SYPL1: variants seen among roughly 807,000 people sequenced by gnomAD.
SYPL1 encodes synaptophysin-like protein 1.
Under a neutral mutation model 23.7 loss-of-function variants are expected in SYPL1, and 6 were observed. The ratio of observed to expected loss-of-function variants is 0.25; its 90% CI spans 0.14 to 0.50. The LOEUF is 0.50. Ranked by LOEUF, SYPL1 falls within the 20% of genes least tolerant of loss-of-function variation. SYPL1 has a pLI of 0.98. For missense variants in SYPL1, 253 were observed against 288.9 expected (o/e 0.88, Z 0.90); for synonymous variants, 102 against 104.5 (o/e 0.98, Z 0.15).
rs942116375 is a variant in SYPL1 at position 106,095,524 on chromosome 7, T to C, written c.402+2166A>G. Among the ~76,000 whole-genome samples the C allele has an allele frequency of 1.3e-5, 2 of 152,052 alleles. No individual in the cohort carries two copies. The highest frequency in any genetic ancestry group is 4.8e-5 in the African/African-American group (2 of 41,388). ...CCACCATGTCCAGCTAATTTTTGTA[T>C]TTTTAGCAGAGATGGGGTTTCACCA... On this transcript the variant is annotated intron_variant, in intron 3 of 4. Coordinates refer to ENST00000455385, the MANE Select transcript of SYPL1 (RefSeq NM_182715.4). The surrounding 1 kb of genome is among the most constrained non-coding windows in gnomAD (Gnocchi z 4.3).
In SYPL1 at chr7:106,110,129, C is replaced by T. The variant is rs186047714; in HGVS notation, c.69+2011G>A. 7.3e-4 allele frequency among the ~76,000 whole-genome samples: 111 copies of T among 152,230 alleles called. 2 individuals carry two copies. Among genetic ancestry groups the T allele is most frequent in the African/African-American group, 2.6e-3 (106 of 41,528 alleles). ...CATATGCATTTTCCTAAGGAAAGGG[C>T]CCAGATTCCCAAAGATTAACCCCAG... On this transcript the variant is annotated intron_variant, in intron 1 of 4. Transcript: ENST00000455385.
At chr7:106,108,885 T>C (rs1050257947) in intron 1 of SYPL1, among the ~76,000 whole-genome samples, 1 of 152,196 alleles carries the variant, frequency 6.6e-6, no homozygotes, top group African/African-American at 2.4e-5. Context: ...TTCCTAACGA[T>C]ACTAAGACAT....
At chr7:106,098,776 A>C (rs1330465618) in intron 2 of SYPL1, among the ~76,000 whole-genome samples, 1 of 152,266 alleles carries the variant, frequency 6.6e-6, no homozygotes, top group African/African-American at 2.4e-5. Context: ...ATTACAAAAA[A>C]CACTGAGAAT....
upstream of SYPL1, chr7:106,112,384 C>G: frequency 3.3e-6 from 4 of 1,212,328 alleles, no homozygotes; most frequent in Non-Finnish European, 4.1e-6. Flanking sequence ...GGTTGAGCTG[C>G]TGGCTGAGAC....
intron 1 of SYPL1, among the ~76,000 whole-genome samples, chr7:106,110,671 G>A (rs1294679774): frequency 6.6e-6 from 1 of 152,108 alleles, no homozygotes; most frequent in African/African-American, 2.4e-5. Context: ...GCTTAAAAAG[G>A]GATATTTTTC....
intron 1 of SYPL1, among the ~76,000 whole-genome samples, chr7:106,108,871 C>T (rs1226793021): frequency 2.6e-5 from 4 of 152,142 alleles, no homozygotes; most frequent in African/African-American, 4.8e-5. Context: ...GAAGGTAAAA[C>T]ATTTTCCTAA....
intron 3 of SYPL1, among the ~76,000 whole-genome samples, chr7:106,094,093 C>T (rs1839897061): frequency 6.6e-6 from 1 of 152,184 alleles, no homozygotes; most frequent in Non-Finnish European, 1.5e-5. Flanking sequence ...TATGCGTACA[C>T]TCAAGGATAG....
intron 1 of SYPL1, among the ~76,000 whole-genome samples, chr7:106,102,651 A>C (rs1359164124): frequency 6.6e-6 from 1 of 152,116 alleles, no homozygotes; most frequent in Non-Finnish European, 1.5e-5. Flanking sequence ...CTTATGGGAG[A>C]CCCTATGCCC....
At chr7:106,101,795 A>G (rs1158997619) in intron 1 of SYPL1, among the ~76,000 whole-genome samples, 1 of 151,838 alleles carries the variant, frequency 6.6e-6, no homozygotes, top group African/African-American at 2.4e-5. Flanking sequence ...AAAAAAAAGA[A>G]AAGAAATGAG....
intron 2 of SYPL1, among the ~76,000 whole-genome samples, chr7:106,098,269 CAAT>C (rs764075078): frequency 6.5e-4 from 99 of 152,306 alleles, no homozygotes; most frequent in Non-Finnish European, 1.2e-3. Flanking sequence ...CCAATCACAA[CAAT>C]GATTCACATT....
chr7:106,111,164 T>C (rs1383523136), intron 1 of SYPL1, among the ~76,000 whole-genome samples: 2 of 152,214 alleles, frequency 1.3e-5, no homozygotes, highest in African/African-American at 2.4e-5. Context: ...TCAGAGAAAC[T>C]GAGTTTCTAC....
rs764472559 is a variant in SYPL1 at position 106,099,331 on chromosome 7, T to C, written c.70-49A>G. On this transcript the variant is annotated intron_variant, in intron 1 of 4. Coordinates refer to ENST00000455385, the MANE Select transcript of SYPL1 (RefSeq NM_182715.4). ...GACAAAAGAAAAAAAAGATAAGCAA[T>C]ACTACAACCAAAACAAGGGTCACTA... The C allele has an allele frequency of 5.7e-6, 9 of 1,572,782 alleles. No homozygotes were observed. The African/African-American group carries it at 6.9e-5, about 12-fold the overall frequency.
At chr7:106,098,309 C>A (rs769424390) in intron 2 of SYPL1, among the ~76,000 whole-genome samples, 10 of 152,124 alleles carry the variant, frequency 6.6e-5, no homozygotes, top group Non-Finnish European at 1.3e-4. Flanking sequence ...TAGTTGCTAA[C>A]AATAAATATT....
intron 1 of SYPL1, among the ~76,000 whole-genome samples, chr7:106,102,072 G>A (rs945521524): frequency 1.8e-4 from 27 of 151,542 alleles, no homozygotes; most frequent in African/African-American, 5.6e-4. Flanking sequence ...TCTTTTCTGA[G>A]ACTCAGTTAT....
chr7:106,112,043 G>A, intron 1 of SYPL1, 97 bp downstream of exon 1: 1 of 1,181,640 alleles, frequency 8.5e-7, no homozygotes, highest in Non-Finnish European at 1.1e-6. Context: ...CAAAGCCCGC[G>A]CGGCAGGGCT....
chr7:106,112,333 G>A, upstream of SYPL1: 1 of 1,254,066 alleles, frequency 8.0e-7, no homozygotes, highest in Non-Finnish European at 1.0e-6. Context: ...CTCGGAGGCG[G>A]GCCCGGGCGG....
chr7:106,107,883 C>G (rs1423883660), intron 1 of SYPL1, among the ~76,000 whole-genome samples: 2 of 151,924 alleles, frequency 1.3e-5, no homozygotes, highest in Non-Finnish European at 2.9e-5. Flanking sequence ...TCTGAGGAAC[C>G]TAAATATATT....
In SYPL1 at chr7:106,100,840, GCTCT is replaced by G. The variant is rs758269543; in HGVS notation, c.70-1562_70-1559del. 8.5e-5 allele frequency among the ~76,000 whole-genome samples: 13 copies of G among 152,264 alleles called. No individual in the cohort carries two copies. In the South Asian group the frequency reaches 1.9e-3, roughly 22 times the overall value. On this transcript the variant is annotated intron_variant, in intron 1 of 4. Coordinates refer to ENST00000455385, the MANE Select transcript of SYPL1 (RefSeq NM_182715.4). This position sits in a 1 kb window ranked among gnomAD's most constrained non-coding sequence, Gnocchi z 5.1. ...CTCAAAACCCTCCAATGGCTTTTGA[GCTCT>G]CTATGAATAAAAACCAAAGTTCATA...
chr7:106,104,234 G>C lies in SYPL1; in HGVS notation c.70-4952C>G, dbSNP rs1457230746. Among the ~76,000 whole-genome samples, 1 of 152,036 alleles carries C rather than the reference G, an allele frequency of 6.6e-6. No individual in the cohort carries two copies. Among genetic ancestry groups the C allele is most frequent in the Non-Finnish European group, 1.5e-5 (1 of 68,020 alleles). On this transcript the variant is annotated intron_variant, in intron 1 of 4. Transcript: ENST00000455385. This position sits in a 1 kb window ranked among gnomAD's most constrained non-coding sequence, Gnocchi z 4.1. Reference sequence around the variant, plus strand: ...ACTCTACTATAGGCATTTTTCTTGTGTAACTTGCTTTCTAAAAAATAAAAT... The same window carrying C: ...ACTCTACTATAGGCATTTTTCTTGTCTAACTTGCTTTCTAAAAAATAAAAT...
Sources: allele counts gnomAD v4.1 joint callset (sites outside exome capture counted in the v4.1 genomes callset), GRCh38; gene constraint gnomAD v4.1.1; non-coding constraint Gnocchi (gnomAD v3.1); transcripts MANE v1.5; gene names NCBI Gene and HGNC (gene_info 2026-07-23, HGNC 2026-07-21).